ADGRL3: variants seen among roughly 807,000 people sequenced by gnomAD.
The protein encoded by ADGRL3 is adhesion G protein-coupled receptor L3.
ADGRL3 carries 62 observed loss-of-function variants against 153.5 expected under a neutral mutation model. The observed-to-expected ratio is 0.40, with a 90% CI of 0.33 to 0.50. The LOEUF (loss-of-function observed/expected upper bound fraction) is 0.50, where lower values mean the gene tolerates loss of function less well. ADGRL3 is among the 20% of genes least tolerant of loss of function. The pLI is 0.47. For synonymous variants in ADGRL3, 710 were observed against 672.5 expected (o/e 1.06, Z -0.86); for missense variants, 1,641 against 1,859.4 (o/e 0.88, Z 2.16).
chr4:61,294,901 ACT>A (rs1553895997), intron 1 of ADGRL3, among the ~76,000 whole-genome samples: 1,257 of 18,780 alleles, frequency 0.067, 14 homozygotes, highest in East Asian at 0.15. Context: ...ACACACACAC[ACT>A]CACACACACA....
At chr4:61,674,057 C>G (rs1054243035) in intron 5 of ADGRL3, among the ~76,000 whole-genome samples, 45 of 151,174 alleles carry the variant, frequency 3.0e-4, no homozygotes, top group Middle Eastern at 4.5e-3. Context: ...TACAACAGAT[C>G]GTTGCTTTTA....
chr4:61,837,335 C>G (rs1358319450), intron 9 of ADGRL3, among the ~76,000 whole-genome samples: 1 of 152,118 alleles, frequency 6.6e-6, no homozygotes, highest in Non-Finnish European at 1.5e-5. Flanking sequence ...GCAAAGACTG[C>G]TCAGTGGTGA....
At chr4:61,207,730 T>C (rs570120108) in intron 1 of ADGRL3, among the ~76,000 whole-genome samples, 4 of 152,192 alleles carry the variant, frequency 2.6e-5, no homozygotes, top group South Asian at 2.1e-4. Flanking sequence ...GACTTTTTAA[T>C]GATCACCATT....
intron 19 of ADGRL3, among the ~76,000 whole-genome samples, chr4:61,988,856 G>A (rs2099094635): frequency 6.6e-6 from 1 of 152,006 alleles, no homozygotes; most frequent in Non-Finnish European, 1.5e-5. Flanking sequence ...CTAAATATGT[G>A]GATGAAGTCA....
intron 5 of ADGRL3, among the ~76,000 whole-genome samples, chr4:61,658,953 A>G (rs2094516779): frequency 6.6e-6 from 1 of 152,192 alleles, no homozygotes; most frequent in Non-Finnish European, 1.5e-5. Flanking sequence ...TCTAGCGGCT[A>G]GAAGTGCTAA....
chr4:61,554,735 A>G (rs1281471350), intron 4 of ADGRL3, among the ~76,000 whole-genome samples: 1 of 152,194 alleles, frequency 6.6e-6, no homozygotes, highest in Non-Finnish European at 1.5e-5. Flanking sequence ...TAAGTGAAGA[A>G]AAACTTTTCT....
intron 1 of ADGRL3, among the ~76,000 whole-genome samples, chr4:61,286,426 T>C (rs1015370222): frequency 6.6e-6 from 1 of 151,638 alleles, no homozygotes; most frequent in African/African-American, 2.4e-5. Flanking sequence ...TAAAAGGATG[T>C]TGATTTTTTA....
rs1256847039 is a variant in ADGRL3 at position 61,547,334 on chromosome 4, T to C, written c.259+29816T>C. Among the ~76,000 whole-genome samples, 3 of 151,890 alleles carry C rather than the reference T, an allele frequency of 2.0e-5. No homozygotes were observed. The East Asian group carries it at 5.8e-4, about 29-fold the overall frequency. ...GTTTGTCATGTAGGTAAATTGCATG[T>C]CAGAGGAATTTGGTACACAGATTAT... On this transcript the variant is annotated intron_variant, in intron 4 of 26. Transcript: ENST00000683033.
intron 5 of ADGRL3, among the ~76,000 whole-genome samples, chr4:61,615,576 TTGTGTGTG>T (rs138168643): frequency 4.8e-4 from 71 of 148,016 alleles, no homozygotes; most frequent in Non-Finnish European, 9.3e-4. Flanking sequence ...GGTTGGAATA[TTGTGTGTG>T]TGTGTGTGTG....
intron 1 of ADGRL3, among the ~76,000 whole-genome samples, chr4:61,305,539 C>T (rs2094747007): frequency 1.3e-5 from 2 of 152,118 alleles, no homozygotes; most frequent in South Asian, 2.1e-4. Flanking sequence ...GGCTTTTACT[C>T]AGCTTCAGTG....
chr4:61,546,705 T>G (rs2098715258), intron 4 of ADGRL3, among the ~76,000 whole-genome samples: 1 of 152,192 alleles, frequency 6.6e-6, no homozygotes, highest in African/African-American at 2.4e-5. Flanking sequence ...ATTTGATGAT[T>G]TGCTGATTCT....
intron 5 of ADGRL3, among the ~76,000 whole-genome samples, chr4:61,641,765 A>T (rs1031100084): frequency 2.0e-5 from 3 of 151,294 alleles, no homozygotes; most frequent in Non-Finnish European, 3.0e-5. Flanking sequence ...ATGTGTCTTT[A>T]TAGCAGCATG....
At chr4:61,316,636 G>T (rs181218021) in intron 1 of ADGRL3, among the ~76,000 whole-genome samples, 4 of 152,172 alleles carry the variant, frequency 2.6e-5, no homozygotes, top group Admixed American at 2.6e-4. Context: ...AGACTAGAAG[G>T]CAGGAGGTCA....
chr4:61,267,922 T>C (rs1247275795), intron 1 of ADGRL3, among the ~76,000 whole-genome samples: 5 of 151,640 alleles, frequency 3.3e-5, no homozygotes, highest in African/African-American at 1.2e-4. Context: ...GAAAATACTT[T>C]AAAAAATAAA....
At chr4:61,716,218 G>A (rs2096111609) in intron 6 of ADGRL3, among the ~76,000 whole-genome samples, 1 of 151,982 alleles carries the variant, frequency 6.6e-6, no homozygotes, top group Admixed American at 6.6e-5. Flanking sequence ...TGAAAGACTG[G>A]TGTGTGGCTC....
intron 9 of ADGRL3, among the ~76,000 whole-genome samples, chr4:61,844,112 G>T (rs141345348): frequency 1.3e-5 from 2 of 150,656 alleles, no homozygotes; most frequent in African/African-American, 2.4e-5. Flanking sequence ...TTTGGAAATC[G>T]TATATTTTGT....
chr4:61,313,815 A>T (rs1001079665), intron 1 of ADGRL3, among the ~76,000 whole-genome samples: 1 of 152,202 alleles, frequency 6.6e-6, no homozygotes, highest in Non-Finnish European at 1.5e-5. Context: ...GTCTTAGGTG[A>T]CCAGAGCCTA....
intron 8 of ADGRL3, among the ~76,000 whole-genome samples, chr4:61,798,009 G>A (rs1396207260): frequency 6.6e-6 from 1 of 152,180 alleles, no homozygotes; most frequent in Non-Finnish European, 1.5e-5. Flanking sequence ...AGAACATTTG[G>A]CAAATAGAAG....
chr4:61,205,127 T>C (rs1346574605), intron 1 of ADGRL3, among the ~76,000 whole-genome samples: 1 of 152,142 alleles, frequency 6.6e-6, no homozygotes, highest in Non-Finnish European at 1.5e-5. Context: ...AAATCATAAA[T>C]AGTAGATTAA....
Sources: allele counts gnomAD v4.1 joint callset (sites outside exome capture counted in the v4.1 genomes callset), GRCh38; gene constraint gnomAD v4.1.1; transcripts MANE v1.5; gene names NCBI Gene and HGNC (gene_info 2026-07-23, HGNC 2026-07-21).